The following TRIM25 variants were observed in gnomAD, a reference collection of about 807,000 sequenced individuals.
TRIM25 encodes the protein E3 ubiquitin/ISG15 ligase TRIM25.
TRIM25 carries 45 observed loss-of-function variants against 65.2 expected under a neutral mutation model. The observed-to-expected ratio is 0.69, with a 90% CI of 0.54 to 0.89. The LOEUF (loss-of-function observed/expected upper bound fraction) is 0.89, where lower values mean the gene tolerates loss of function less well. Among genes scored for constraint, TRIM25 ranks in the 40% least tolerant of loss-of-function variants. TRIM25 has a pLI of 0.00. For missense variants in TRIM25, 714 were observed against 803.7 expected, an observed-to-expected ratio of 0.89 and a Z score of 1.35; for synonymous variants, 321 against 340.4, an observed-to-expected ratio of 0.94 and a Z score of 0.63.
chr17:56,912,481 C>T (rs966676443), intron 1 of TRIM25, among the ~76,000 whole-genome samples: 1 of 152,160 alleles, frequency 6.6e-6, no homozygotes, highest in Admixed American at 6.6e-5. Flanking sequence ...GCCCACCCTC[C>T]CTCTTAGGCC....
chr17:56,892,907 A>G (rs932827738), intron 8 of TRIM25, among the ~76,000 whole-genome samples: 1 of 152,268 alleles, frequency 6.6e-6, no homozygotes, highest in Non-Finnish European at 1.5e-5. Flanking sequence ...AAGGGTAAGC[A>G]CACACTGTAG....
intron 2 of TRIM25, among the ~76,000 whole-genome samples, chr17:56,906,365 C>G (rs1447197354): frequency 1.3e-5 from 2 of 152,252 alleles, no homozygotes; most frequent in Non-Finnish European, 2.9e-5. Flanking sequence ...TGCAAATACC[C>G]AGTCTGTGGT....
chr17:56,911,099 T>G (rs1457075619), intron 1 of TRIM25, among the ~76,000 whole-genome samples: 1 of 152,054 alleles, frequency 6.6e-6, no homozygotes. Context: ...ATCCCGTCTC[T>G]ACAAAAAATG....
chr17:56,901,023 T>C (rs982537578), intron 4 of TRIM25, among the ~76,000 whole-genome samples: 2 of 152,002 alleles, frequency 1.3e-5, no homozygotes, highest in African/African-American at 4.8e-5. Context: ...AATTTGGCAA[T>C]GGATTGGATA....
At chr17:56,898,165 C>A (rs949061654) in intron 5 of TRIM25, among the ~76,000 whole-genome samples, 1 of 151,858 alleles carries the variant, frequency 6.6e-6, no homozygotes, top group Admixed American at 6.6e-5. Context: ...GGCATGTCAG[C>A]GGTATATGGA....
Position 56,891,924 on chromosome 17 carries a change from T to C in TRIM25, c.1669A>G (p.Lys557Glu). The C allele has an allele frequency of 6.2e-7, 1 of 1,614,218 alleles. No individual in the cohort carries two copies. The highest frequency in any genetic ancestry group is 1.3e-5 in the African/African-American group (1 of 75,046). Reference protein sequence around the residue: ...ASWCVEWFNTKISAWHNNVEK... With the variant: ...ASWCVEWFNTEISAWHNNVEK... ...ACGTTATTGTGCCAGGCAGAGATCTTGGTGTTGAACCACTCCACGCACCAG... is the reference window on the plus strand; with the variant it reads ...ACGTTATTGTGCCAGGCAGAGATCTCGGTGTTGAACCACTCCACGCACCAG... The change falls in exon 9 of 9, where the codon AAG becomes GAG. Residue 557 changes from lysine (K) to glutamate (E), a missense_variant. By Grantham distance (56) the Lys-to-Glu change is moderately conservative. This residue lies in a region of TRIM25 where 413 missense variants were observed against 498.2 expected (regional missense o/e 0.83). Transcript: ENST00000316881.
intron 2 of TRIM25, among the ~76,000 whole-genome samples, chr17:56,905,347 C>T (rs976881950): frequency 6.6e-6 from 1 of 151,954 alleles, no homozygotes; most frequent in Non-Finnish European, 1.5e-5. Context: ...CTGGGAGACA[C>T]AGCGAGACGC....
intron 4 of TRIM25, among the ~76,000 whole-genome samples, chr17:56,900,470 C>T (rs930959694): frequency 2.0e-5 from 3 of 152,136 alleles, no homozygotes; most frequent in Non-Finnish European, 4.4e-5. Flanking sequence ...AGGAAGAATG[C>T]GATACTACCC....
At chr17:56,907,283 T>A (rs1478498349) in intron 2 of TRIM25, among the ~76,000 whole-genome samples, 5 of 152,246 alleles carry the variant, frequency 3.3e-5, no homozygotes, top group Non-Finnish European at 1.5e-5. Context: ...TTCTGGTGTA[T>A]CTTTGTTACA....
At chr17:56,910,180 G>T (rs74731673) in intron 1 of TRIM25, among the ~76,000 whole-genome samples, 3,191 of 152,038 alleles carry the variant, frequency 0.021, 42 homozygotes, top group Middle Eastern at 0.034. Context: ...TTTCCTTCCC[G>T]TAACTAGCAG....
At chr17:56,909,606 T>A (rs2586523) in intron 1 of TRIM25, among the ~76,000 whole-genome samples, 115,411 of 150,470 alleles carry the variant, frequency 0.77, 44,520 homozygotes, top group East Asian at 0.83. Flanking sequence ...GATCGCTTGA[T>A]TCCGGGAGGT....
chr17:56,905,230 A>G (rs1275408724), intron 2 of TRIM25, among the ~76,000 whole-genome samples: 1 of 152,160 alleles, frequency 6.6e-6, no homozygotes, highest in African/African-American at 2.4e-5. Flanking sequence ...TGGTTGTGGC[A>G]GCGCGCACCT....
In TRIM25 at chr17:56,904,129, G is replaced by A. The variant is rs1290756740; in HGVS notation, c.927+126C>T. On this transcript the variant is annotated intron_variant, in intron 3 of 8. Coordinates refer to ENST00000316881, the MANE Select transcript of TRIM25 (RefSeq NM_005082.5). ...GCCCAGCTCAGAAAACTAATACAGCGTGTGTCTCAGGGATGCTTCCAGTGA... is the reference window on the plus strand; with the variant it reads ...GCCCAGCTCAGAAAACTAATACAGCATGTGTCTCAGGGATGCTTCCAGTGA... 3.3e-5 allele frequency: 25 copies of A among 753,824 alleles called. No individual in the cohort carries two copies. In the Admixed American group the frequency reaches 3.8e-4, roughly 11 times the overall value. 46.7% of individuals were successfully genotyped at this position (753,824 alleles called of 1,614,324 possible). A position where few individuals can be genotyped will look rare whatever the true frequency, so the allele number is the denominator to read the frequency against.
intron 8 of TRIM25, among the ~76,000 whole-genome samples, chr17:56,893,370 C>T (rs1909222625): frequency 1.3e-5 from 2 of 152,168 alleles, no homozygotes; most frequent in African/African-American, 2.4e-5. Context: ...ACAGAGTGCA[C>T]AGCAGCTCCT....
chr17:56,899,952 G>A (rs898723407), intron 4 of TRIM25, among the ~76,000 whole-genome samples: 5 of 152,222 alleles, frequency 3.3e-5, no homozygotes, highest in Admixed American at 6.5e-5. Context: ...GGTGGCTCAC[G>A]CCTGTAATCC....
chr17:56,901,667 A>G (rs992563696), intron 3 of TRIM25, 89 bp from the exon 4 acceptor site: 15 of 1,543,004 alleles, frequency 9.7e-6, no homozygotes, highest in Admixed American at 1.8e-5. Flanking sequence ...GCTCTCCCCT[A>G]TGCCCAAGAG....
intron 2 of TRIM25, 135 bp from the exon 3 acceptor site, chr17:56,904,623 C>A: frequency 1.3e-6 from 1 of 752,106 alleles, no homozygotes. Context: ...CTGTGGGGAG[C>A]AACTTGGCAA....
rs144820067 is a variant in TRIM25, at chr17:56,911,253, G to A, written c.597+2139C>T. On this transcript the variant is annotated intron_variant, in intron 1 of 8. Transcript: ENST00000316881. ...ACTGTAGTCCAGCCTGGGTGACTGA[G>A]TGAAAACCTGTCTCTAAAAGAAAAG... Among the ~76,000 whole-genome samples the A allele has an allele frequency of 1.2e-4, 18 of 152,136 alleles. No homozygotes were observed. The East Asian group carries it at 3.3e-3, about 28-fold the overall frequency.
chr17:56,910,196 A>G (rs1909600087), intron 1 of TRIM25, among the ~76,000 whole-genome samples: 1 of 152,214 alleles, frequency 6.6e-6, no homozygotes, highest in Non-Finnish European at 1.5e-5. Context: ...AGCAGGCTCA[A>G]CATACTCTGG....
Sources: gnomAD v4.1 joint callset for allele counts (sites outside exome capture counted in the v4.1 genomes callset) on GRCh38, gnomAD v4.1.1 for gene constraint, gnomAD v4.1.1 regional missense constraint, MANE v1.5 for transcripts, NCBI Gene and HGNC (gene_info 2026-07-23, HGNC 2026-07-21) for gene names.